The following CPT1C variants were observed in gnomAD, a reference collection of about 807,000 sequenced individuals.
CPT1C encodes palmitoyl thioesterase CPT1C.
Under a neutral mutation model 97.3 loss-of-function variants are expected in CPT1C, and 61 were observed. The ratio of observed to expected loss-of-function variants is 0.63; its 90% CI spans 0.51 to 0.78. The LOEUF is 0.78. Among genes scored for constraint, CPT1C ranks in the 30% least tolerant of loss-of-function variants. The probability of loss-of-function intolerance (pLI) is 0.00; values close to 1 mark genes in which losing one functional copy is unlikely to be tolerated. For synonymous variants in CPT1C, 469 were observed against 447.2 expected (o/e 1.05, Z -0.61); for missense variants, 975 against 1,065.5 (o/e 0.92, Z 1.18).
rs1555777672 is a variant in CPT1C at position 49,700,258 on chromosome 19, A to AAC, written c.282-425_282-424insCA. The stretch of plus-strand genomic sequence containing the variant: ...CGAGACTCCATCCCAAAAACAAAAC[A>AAC]AAACAAAAAAAAAAACGCTGATTGC... On this transcript the variant is annotated intron_variant, in intron 4 of 19. Transcript: ENST00000598293. 4.2e-4 allele frequency among the ~76,000 whole-genome samples: 42 copies of AAC among 101,128 alleles called. 1 individual carries two copies. The highest frequency in any genetic ancestry group is 1.5e-3 in the African/African-American group (30 of 20,174). The allele number at this position is 101,128 out of a possible 152,430, so 66.3% of individuals were successfully genotyped here.
At chr19:49,699,936 A>G (rs1259353394) in intron 4 of CPT1C, among the ~76,000 whole-genome samples, 1 of 151,872 alleles carries the variant, frequency 6.6e-6, no homozygotes, top group Non-Finnish European at 1.5e-5. Flanking sequence ...CCTGGGCGAC[A>G]GAGTGAAACT....
chr19:49,705,795 G>A (rs991062650), intron 10 of CPT1C, 114 bp from the exon 11 acceptor site: 1 of 957,140 alleles, frequency 1.0e-6, no homozygotes, highest in African/African-American at 1.6e-5. Flanking sequence ...GGGTGCTGAT[G>A]ATTACTAGGG....
At chr19:49,702,641 A>G (rs1420313300) in intron 7 of CPT1C, among the ~76,000 whole-genome samples, 9 of 117,160 alleles carry the variant, frequency 7.7e-5, no homozygotes, top group African/African-American at 2.4e-4. Flanking sequence ...AAGAAAAGAA[A>G]AAAAAAAAGA....
Position 49,710,493 on chromosome 19 carries a change from G to T in CPT1C, c.1731+9G>T, listed in dbSNP as rs751776616. 1 of 1,614,116 alleles carries T rather than the reference G, an allele frequency of 6.2e-7. No individual in the cohort carries two copies. The highest frequency in any genetic ancestry group is 8.5e-7 in the Non-Finnish European group (1 of 1,180,038). On this transcript the variant is annotated intron_variant, in intron 15 of 19. Transcript: ENST00000598293. ...AACTGGCCCACTTCCGGGTCAGTTG[G>T]GTTCCCCATCCACAGCCCCCGCAGG...
In CPT1C at chr19:49,703,310, C is replaced by T. The variant is rs1041408871; in HGVS notation, c.694-1400C>T. 1.6e-3 allele frequency among the ~76,000 whole-genome samples: 239 copies of T among 150,582 alleles called. 2 individuals are homozygous for T. The highest frequency in any genetic ancestry group is 5.7e-3 in the African/African-American group (235 of 41,012). ...CTGCAAGCTCTACCTCCCAGGTTCA[C>T]GCCATTCTCCTGCCTCAGCCTCCCA... On this transcript the variant is annotated intron_variant, in intron 7 of 19. Coordinates refer to ENST00000598293, the MANE Select transcript of CPT1C (RefSeq NM_001199753.2).
At chr19:49,693,910 C>T (rs1304051269) in intron 3 of CPT1C, among the ~76,000 whole-genome samples, 2 of 151,906 alleles carry the variant, frequency 1.3e-5, no homozygotes, top group Non-Finnish European at 2.9e-5. Flanking sequence ...TACACACACA[C>T]ACAAATTAGC....
At chr19:49,712,335 C>G in intron 17 of CPT1C, 2 of 276,130 alleles carry the variant, frequency 7.2e-6, no homozygotes, top group South Asian at 1.0e-4. Context: ...CAGAGCAAGA[C>G]TCTGTCTCAA....
chr19:49,704,032 C>A (rs1219451007), intron 7 of CPT1C, among the ~76,000 whole-genome samples: 3 of 152,158 alleles, frequency 2.0e-5, no homozygotes, highest in Non-Finnish European at 2.9e-5. Flanking sequence ...AGCAGCTAAA[C>A]CGTGACACAG....
intron 4 of CPT1C, among the ~76,000 whole-genome samples, chr19:49,699,657 T>C (rs2082883624): frequency 1.3e-5 from 2 of 151,920 alleles, no homozygotes. Context: ...GGATGGGTTG[T>C]TAAACCGCTG....
chr19:49,710,513 C>A, intron 15 of CPT1C, 29 bp downstream of exon 15: 2 of 1,613,826 alleles, frequency 1.2e-6, no homozygotes, highest in Admixed American at 1.7e-5. Flanking sequence ...CCACAGCCCC[C>A]GCAGGGTCTC....
chr19:49,700,191 G>A (rs1209632609), intron 4 of CPT1C, among the ~76,000 whole-genome samples: 1 of 151,420 alleles, frequency 6.6e-6, no homozygotes, highest in African/African-American at 2.4e-5. Context: ...AGCTTGCAGT[G>A]AGCCGAGATA....
At chr19:49,702,789 G>A (rs1228313197) in intron 7 of CPT1C, among the ~76,000 whole-genome samples, 1 of 151,804 alleles carries the variant, frequency 6.6e-6, no homozygotes, top group Non-Finnish European at 1.5e-5. Context: ...CAGCTTTGGT[G>A]TGGGGGAAAG....
intron 7 of CPT1C, among the ~76,000 whole-genome samples, chr19:49,702,207 TATATATATGCTCATAAC>T (rs1374002974): frequency 7.4e-6 from 1 of 134,788 alleles, no homozygotes; most frequent in Admixed American, 8.3e-5. Flanking sequence ...TATTTATTTA[TATATATATGCTCATAAC>T]ATATATATGC....
rs980738258 is a variant in CPT1C, at chr19:49,702,608, A to C, written c.693+974A>C. ...GCACTTCGGCCTGGGCCACAGAGCA[A>C]GACTCTGTCTCAAAAAAAAAAAAAG... is the stretch of plus-strand genomic sequence containing the variant. On this transcript the variant is annotated intron_variant, in intron 7 of 19. Transcript: ENST00000598293. Among the ~76,000 whole-genome samples, 61 of 150,850 alleles carry C rather than the reference A, an allele frequency of 4.0e-4. 1 individual carries two copies. Among genetic ancestry groups the C allele is most frequent in the African/African-American group, 1.4e-3 (58 of 41,120 alleles).
intron 7 of CPT1C, 115 bp downstream of exon 7, chr19:49,701,749 C>G (rs1440164900): frequency 2.4e-6 from 3 of 1,267,458 alleles, no homozygotes; most frequent in Non-Finnish European, 3.2e-6. Context: ...CCCACACGCC[C>G]CCAGCCCCCA....
chr19:49,706,268 C>G lies in CPT1C; in HGVS notation c.1198C>G (p.Gln400Glu), dbSNP rs1314796565. 10 of 1,539,728 alleles carry G rather than the reference C, an allele frequency of 6.5e-6. No homozygotes were observed. Among genetic ancestry groups the G allele is most frequent in the Non-Finnish European group, 7.9e-6 (9 of 1,146,142 alleles). Residue 400 changes from glutamine to glutamate, a missense_variant, in exon 12 of 20, where the codon CAG (glutamine) becomes GAG (glutamate). Gln to Glu is a conservative substitution (Grantham distance 29). This residue lies in a region of CPT1C where 596 missense variants were observed against 603.1 expected (regional missense o/e 0.99). Coordinates refer to ENST00000598293, the MANE Select transcript of CPT1C (RefSeq NM_001199753.2). The surrounding 1 kb of genome is among the most constrained non-coding windows in gnomAD (Gnocchi z 4.8). ...WAQVRTSLKT[Q>E]AAEALEAVEG... ...CCAGGTGCGGACATCCCTGAAGACCCAGGCAGCGGAGGCCCTGGAGGCGGT... is the reference window on the plus strand; with the variant it reads ...CCAGGTGCGGACATCCCTGAAGACCGAGGCAGCGGAGGCCCTGGAGGCGGT...
At position 49,700,859 on chromosome 19, in the gene CPT1C, T is replaced by C. The variant is rs372026933; in HGVS notation, c.453+4T>C. 605 of 1,611,672 alleles carry C rather than the reference T, an allele frequency of 3.8e-4. 2 individuals are homozygous for C. The highest frequency in any genetic ancestry group is 1.6e-3 in the South Asian group (142 of 91,090). ...CTCCCCCACCAAGACCTGGCTGGTA[T>C]GGGAGGGGCATAGCCCTGCTCAGGC... On this transcript the variant is annotated splice_donor_region_variant and intron_variant, in intron 5 of 19. Transcript: ENST00000598293.
intron 13 of CPT1C, among the ~76,000 whole-genome samples, chr19:49,708,192 A>C (rs1348077972): frequency 6.6e-6 from 1 of 151,782 alleles, no homozygotes; most frequent in Non-Finnish European, 1.5e-5. Context: ...CAGAGCAAGA[A>C]GATGACTCCA....
chr19:49,701,499 C>T lies in CPT1C; in HGVS notation c.558C>T (p.Tyr186=). The stretch of plus-strand genomic sequence containing the variant: ...ACCTGCCCTCTTCTCCCCTTTAGTA[C>T]CTGGAGTCGGTCCGGCCCATCCTCT... ...VPSVQDTVRK[Y]LESVRPILSD... Residue 186 remains tyrosine, a splice_region_variant and synonymous_variant, in exon 7 of 20, where the codon TAC becomes TAT. Transcript: ENST00000598293. 6.2e-7 allele frequency: 1 copy of T among 1,606,726 alleles called. No homozygotes were observed. Among genetic ancestry groups the T allele is most frequent in the East Asian group, 2.2e-5 (1 of 44,582 alleles).
Sources: allele counts gnomAD v4.1 joint callset (sites outside exome capture counted in the v4.1 genomes callset), GRCh38; gene constraint gnomAD v4.1.1; regional missense constraint gnomAD v4.1.1; non-coding constraint Gnocchi (gnomAD v3.1); transcripts MANE v1.5; gene names NCBI Gene and HGNC (gene_info 2026-07-23, HGNC 2026-07-21).